The following KL variants were observed in gnomAD, a reference collection of about 807,000 sequenced individuals.
KL encodes the protein klotho, also known as alpha-klotho.
Under a neutral mutation model 84.2 loss-of-function variants are expected in KL, and 62 were observed. The observed-to-expected ratio is 0.74, with a 90% CI of 0.60 to 0.91. The LOEUF is 0.91. Among genes scored for constraint, KL ranks in the 40% least tolerant of loss-of-function variants. KL has a pLI of 0.00. For missense variants in KL, 1,261 were observed against 1,305.7 expected, an observed-to-expected ratio of 0.97 and a Z score of 0.53; for synonymous variants, 528 against 528.0, an observed-to-expected ratio of 1.00 and a Z score of 0.00.
intron 1 of KL, among the ~76,000 whole-genome samples, chr13:33,029,933 CTAT>C (rs1209694287): frequency 8.3e-6 from 1 of 119,866 alleles, no homozygotes; most frequent in Non-Finnish European, 1.9e-5. Flanking sequence ...GCGCCTGGCC[CTAT>C]TTTTTTTTTT....
Position 33,054,218 on chromosome 13 carries a change from A to G in KL, c.1271A>G (p.Lys424Arg). Residue 424 changes from lysine to arginine, a missense_variant, in exon 2 of 5, where the codon AAG (lysine) becomes AGG (arginine). Transcript: ENST00000380099. The part of the protein sequence containing the change: ...ENGWFVSGTT[K>R]RDDAKYMYYL... ...GGCTGGTTTGTCTCAGGGACCACCA[A>G]GAGAGATGATGCCAAATATATGTAT... 5.0e-6 allele frequency: 8 copies of G among 1,613,842 alleles called. No homozygotes were observed. Among genetic ancestry groups the G allele is most frequent in the Non-Finnish European group, 6.8e-6 (8 of 1,179,912 alleles).
intron 1 of KL, among the ~76,000 whole-genome samples, chr13:33,028,096 G>A (rs566210856): frequency 8.5e-5 from 13 of 152,178 alleles, no homozygotes; most frequent in South Asian, 2.1e-4. Flanking sequence ...GCCCATTGGC[G>A]GAGTCCACAT....
At chr13:33,043,366 C>T (rs755903398) in intron 1 of KL, among the ~76,000 whole-genome samples, 13 of 151,698 alleles carry the variant, frequency 8.6e-5, no homozygotes, top group Admixed American at 3.3e-4. Flanking sequence ...ACTACAGAGG[C>T]GTGCCACCAC....
At position 33,016,861 on chromosome 13, in the gene KL, G is replaced by A; in HGVS notation, c.421G>A (p.Glu141Lys). The A allele has an allele frequency of 1.2e-6, 2 of 1,612,766 alleles. No individual in the cohort carries two copies. The highest frequency in any genetic ancestry group is 1.7e-6 in the Non-Finnish European group (2 of 1,179,820). Residue 141 changes from glutamate (E) to lysine (K), a missense_variant, in exon 1 of 5, where the codon GAG becomes AAG. Transcript: ENST00000380099. ...CTTCCGCGACACGGAGGCGCTGCGC[G>A]AGCTCGGGGTCACTCACTACCGCTT... ...NVFRDTEALR[E>K]LGVTHYRFSI...
intron 1 of KL, among the ~76,000 whole-genome samples, chr13:33,051,294 G>T (rs1871740937): frequency 6.6e-6 from 1 of 152,160 alleles, no homozygotes; most frequent in Non-Finnish European, 1.5e-5. Context: ...AGCACTTTGG[G>T]AGGCTGAGGT....
chr13:33,054,202 G>T lies in KL; in HGVS notation c.1255G>T (p.Val419Phe), dbSNP rs752616565. 3 of 1,613,706 alleles carry T rather than the reference G, an allele frequency of 1.9e-6. No individual in the cohort carries two copies. The highest frequency in any genetic ancestry group is 2.5e-6 in the Non-Finnish European group (3 of 1,179,930). The change falls in exon 2 of 5, where the codon GTC (valine) becomes TTC (phenylalanine). Residue 419 changes from valine (V) to phenylalanine (F), a missense_variant. Val to Phe is a conservative substitution (Grantham distance 50). Transcript: ENST00000380099. Reference protein sequence around the residue: ...QIFIVENGWFVSGTTKRDDAK... With the variant: ...QIFIVENGWFFSGTTKRDDAK... The stretch of plus-strand genomic sequence containing the variant: ...ATTTATTGTGGAAAATGGCTGGTTT[G>T]TCTCAGGGACCACCAAGAGAGATGA...
At chr13:33,035,800 A>G (rs9526984) in intron 1 of KL, among the ~76,000 whole-genome samples, 8,412 of 152,262 alleles carry the variant, frequency 0.055, 299 homozygotes, top group Non-Finnish European at 0.08. Flanking sequence ...AATGATTTTC[A>G]CCGCAGCATG....
chr13:33,017,278 GC>G lies in KL; in HGVS notation c.819+20del. ...CCTCCTGGTGAGTGCGAGGGGCCAG[GC>G]GGAGGGCCACGCAGGGGAGACAGAG... On this transcript the variant is annotated intron_variant, in intron 1 of 4. Transcript: ENST00000380099. 6.5e-7 allele frequency: 1 copy of G among 1,544,262 alleles called. No individual in the cohort carries two copies. Among genetic ancestry groups the G allele is most frequent in the Non-Finnish European group, 8.7e-7 (1 of 1,150,338 alleles).
At chr13:33,018,619 C>T (rs1364249987) in intron 1 of KL, among the ~76,000 whole-genome samples, 1 of 152,146 alleles carries the variant, frequency 6.6e-6, no homozygotes, top group African/African-American at 2.4e-5. Flanking sequence ...TTTTTCAATC[C>T]TTTTATGGAT....
chr13:33,023,334 T>C (rs1281428526), intron 1 of KL, among the ~76,000 whole-genome samples: 1 of 152,156 alleles, frequency 6.6e-6, no homozygotes, highest in Non-Finnish European at 1.5e-5. Flanking sequence ...CAAAAAGCTC[T>C]ACAAAAGTGA....
intron 1 of KL, among the ~76,000 whole-genome samples, chr13:33,030,955 A>C (rs391665): frequency 0.31 from 47,498 of 152,044 alleles, 8,695 homozygotes; most frequent in Admixed American, 0.44. Context: ...AGGGAAAAAG[A>C]TTTAAAGGAT....
At chr13:33,060,550 G>A in intron 3 of KL, 129 bp from the exon 4 acceptor site, 2 of 1,008,470 alleles carry the variant, frequency 2.0e-6, no homozygotes, top group Non-Finnish European at 3.1e-6. Context: ...ATGAAAAATA[G>A]TTCACATTCT....
intron 3 of KL, among the ~76,000 whole-genome samples, chr13:33,058,073 T>A (rs1053365120): frequency 3.3e-5 from 5 of 152,214 alleles, no homozygotes; most frequent in Non-Finnish European, 7.3e-5. Context: ...TGGACCCACT[T>A]TCTCGGCTGA....
chr13:33,056,534 G>A (rs975477185), intron 3 of KL, among the ~76,000 whole-genome samples: 3 of 151,856 alleles, frequency 2.0e-5, no homozygotes, highest in Non-Finnish European at 2.9e-5. Flanking sequence ...ACTGGCTCAC[G>A]CCTGTAATCC....
chr13:33,064,349 G>A lies in KL; in HGVS notation c.*163G>A, dbSNP rs985761991. ...CAGAGGTTTTGAAATGGGCATAGGT[G>A]ATCGTAAAATATTGAATAATGCGAA... On this transcript the variant is annotated 3_prime_UTR_variant, in exon 5 of 5. Coordinates refer to ENST00000380099, the MANE Select transcript of KL (RefSeq NM_004795.4). 1.7e-6 allele frequency: 1 copy of A among 590,430 alleles called. No homozygotes were observed. The highest frequency in any genetic ancestry group is 2.2e-5 in the South Asian group (1 of 45,904). The allele number at this position is 590,430 out of a possible 1,614,324, so 36.6% of individuals were successfully genotyped here.
intron 1 of KL, among the ~76,000 whole-genome samples, chr13:33,046,715 A>T (rs1255059695): frequency 6.7e-6 from 1 of 148,762 alleles, no homozygotes; most frequent in Non-Finnish European, 1.5e-5. Flanking sequence ...TTATTTTCTT[A>T]AGGTGGAAGA....
At chr13:33,053,724 C>T (rs1304489619) in intron 1 of KL, 43 bp from the exon 2 acceptor site, 3 of 1,595,346 alleles carry the variant, frequency 1.9e-6, no homozygotes, top group Non-Finnish European at 2.6e-6. Context: ...TGCATTTCTC[C>T]TCACAACTAG....
At position 33,046,559 on chromosome 13, in the gene KL, G is replaced by A. The variant is rs146998759; in HGVS notation, c.820-7208G>A. On this transcript the variant is annotated intron_variant, in intron 1 of 4. Transcript: ENST00000380099. ...TCTCTAGTCAGTCTTGCTAAAGGTTGGTCTGTTTTGTTGATTTTTTTCAAA... is the reference window on the plus strand; with the variant it reads ...TCTCTAGTCAGTCTTGCTAAAGGTTAGTCTGTTTTGTTGATTTTTTTCAAA... Among the ~76,000 whole-genome samples, 3 of 151,572 alleles carry A rather than the reference G, an allele frequency of 2.0e-5. No homozygotes were observed. The East Asian group carries it at 5.8e-4, about 29-fold the overall frequency.
intron 1 of KL, among the ~76,000 whole-genome samples, chr13:33,022,519 A>G (rs989998799): frequency 6.6e-6 from 1 of 152,248 alleles, no homozygotes; most frequent in Non-Finnish European, 1.5e-5. Flanking sequence ...ATGCAAAGTT[A>G]TACTTGAAAT....
Sources: allele counts gnomAD v4.1 joint callset (sites outside exome capture counted in the v4.1 genomes callset), GRCh38; gene constraint gnomAD v4.1.1; transcripts MANE v1.5; gene names NCBI Gene and HGNC (gene_info 2026-07-23, HGNC 2026-07-21).